The following GRAMD2B variants were observed in gnomAD, a reference collection of about 807,000 sequenced individuals.
GRAMD2B encodes GRAM domain-containing protein 2B.
A neutral mutation model predicts 59.2 loss-of-function variants in GRAMD2B; 41 were observed. The ratio of observed to expected loss-of-function variants is 0.69; its 90% CI spans 0.54 to 0.90. The LOEUF (loss-of-function observed/expected upper bound fraction) is 0.90, where lower values mean the gene tolerates loss of function less well. GRAMD2B is among the 40% of genes least tolerant of loss of function. The pLI is 0.00. For synonymous variants in GRAMD2B, 161 were observed against 182.7 expected, an observed-to-expected ratio of 0.88 and a Z score of 0.96; for missense variants, 424 against 500.5, an observed-to-expected ratio of 0.85 and a Z score of 1.46.
intron 1 of GRAMD2B, among the ~76,000 whole-genome samples, chr5:126,415,222 C>A (rs1380006979): frequency 1.3e-5 from 2 of 152,172 alleles, no homozygotes; most frequent in African/African-American, 4.8e-5. Flanking sequence ...AACAAAAGAA[C>A]ACGAAGCATC....
Position 126,423,622 on chromosome 5 carries a change from C to G in GRAMD2B, c.16C>G (p.Gln6Glu), listed in dbSNP as rs574919388. ...CACGGCCCCGATGACTGAACTACAG[C>G]AAGATGTGGAAGACACAAAGCCTGC... is the stretch of plus-strand genomic sequence containing the variant. MTELQ[Q>E]DVEDTKPAKV... The change falls in exon 1 of 14, where the codon CAA becomes GAA. Residue 6 changes from glutamine (Q) to glutamate (E), a missense_variant. Transcript: ENST00000285689. The G allele has an allele frequency of 1.9e-6, 3 of 1,612,378 alleles. No homozygotes were observed. Among genetic ancestry groups the G allele is most frequent in the Non-Finnish European group, 1.7e-6 (2 of 1,179,390 alleles).
chr5:126,410,732 T>C (rs918722265), intron 1 of GRAMD2B, among the ~76,000 whole-genome samples: 4 of 151,998 alleles, frequency 2.6e-5, no homozygotes, highest in African/African-American at 7.2e-5. Context: ...GTTGTTTTTA[T>C]ACACAACAAC....
In GRAMD2B at chr5:126,474,193, T is replaced by G. The variant is rs374111825; in HGVS notation, c.486+825T>G. Among the ~76,000 whole-genome samples the G allele has an allele frequency of 6.6e-5, 10 of 152,260 alleles. No homozygotes were observed. The East Asian group carries it at 1.9e-3, about 29-fold the overall frequency. ...CTTGGGTTTGCATGACCTTAGTGAG[T>G]TTTCAGTCATTCTGATTCATGATTA... On this transcript the variant is annotated intron_variant, in intron 5 of 13. Transcript: ENST00000285689.
chr5:126,385,161 C>T (rs56226094), intron 1 of GRAMD2B, among the ~76,000 whole-genome samples: 3,644 of 152,254 alleles, frequency 0.024, 156 homozygotes, highest in African/African-American at 0.082. Context: ...GCACACAAGT[C>T]ACTAATATGC....
At chr5:126,408,222 T>C (rs1758429959) in intron 1 of GRAMD2B, among the ~76,000 whole-genome samples, 1 of 152,080 alleles carries the variant, frequency 6.6e-6, no homozygotes, top group Non-Finnish European at 1.5e-5. Context: ...TGTTCCTGTG[T>C]TAATTCACTT....
intron 6 of GRAMD2B, 145 bp from the exon 7 acceptor site, chr5:126,480,311 G>A: frequency 1.7e-6 from 1 of 587,724 alleles, no homozygotes; most frequent in Non-Finnish European, 3.0e-6. Context: ...TGGAATGTTT[G>A]AGTGAGAGGA....
chr5:126,381,384 G>A (rs1170539531), intron 1 of GRAMD2B, among the ~76,000 whole-genome samples: 1 of 151,922 alleles, frequency 6.6e-6, no homozygotes. Context: ...TCCTTTCCTG[G>A]TTTTGGTACT....
At chr5:126,433,748 C>T (rs1761966873) in intron 1 of GRAMD2B, 1 of 152,188 alleles carries the variant, frequency 6.6e-6, no homozygotes. Flanking sequence ...ATGGGTTCTT[C>T]TTTGCACAAG....
At chr5:126,471,610 G>C (rs971776405) in intron 3 of GRAMD2B, among the ~76,000 whole-genome samples, 5 of 152,152 alleles carry the variant, frequency 3.3e-5, no homozygotes, top group African/African-American at 1.2e-4. Context: ...CACTGGCTAA[G>C]GAAATGCCTT....
intron 1 of GRAMD2B, among the ~76,000 whole-genome samples, chr5:126,361,257 G>A (rs1472194554): frequency 6.6e-6 from 1 of 152,092 alleles, no homozygotes; most frequent in African/African-American, 2.4e-5. Context: ...CATGTGAAGG[G>A]TACACATAAA....
chr5:126,405,014 C>A (rs1185455808), intron 1 of GRAMD2B, among the ~76,000 whole-genome samples: 1 of 151,920 alleles, frequency 6.6e-6, no homozygotes, highest in Non-Finnish European at 1.5e-5. Context: ...TACTCAAGGT[C>A]ACACAAATTA....
chr5:126,483,490 G>C lies in GRAMD2B; in HGVS notation c.763G>C (p.Asp255His). The change falls in exon 9 of 14, where the codon GAT (aspartate) becomes CAT (histidine). Residue 255 changes from aspartate to histidine, a missense_variant. Asp to His is a moderately conservative substitution (Grantham distance 81). Transcript: ENST00000285689. ...LDFNDEFSDLDGVVQQRRQDM... is the reference protein window; with the variant it reads ...LDFNDEFSDLHGVVQQRRQDM... ...TTTCAATGATGAATTCTCAGATCTGGATGGAGTGGTTCAACAAAGAAGGCA... is the reference window on the plus strand; with the variant it reads ...TTTCAATGATGAATTCTCAGATCTGCATGGAGTGGTTCAACAAAGAAGGCA... The C allele has an allele frequency of 1.2e-6, 2 of 1,611,368 alleles. No homozygotes were observed. Among genetic ancestry groups the C allele is most frequent in the Non-Finnish European group, 1.7e-6 (2 of 1,177,626 alleles).
chr5:126,458,130 T>C (rs1766662768), intron 1 of GRAMD2B, among the ~76,000 whole-genome samples: 1 of 152,166 alleles, frequency 6.6e-6, no homozygotes, highest in Non-Finnish European at 1.5e-5. Flanking sequence ...GGTTGTTATT[T>C]CATATTTAAG....
In GRAMD2B at chr5:126,493,250, A is replaced by C; in HGVS notation, c.*294A>C. 1 of 374,644 alleles carries C rather than the reference A, an allele frequency of 2.7e-6. No individual in the cohort carries two copies. The highest frequency in any genetic ancestry group is 4.9e-6 in the Non-Finnish European group (1 of 204,294). 23.2% of individuals were successfully genotyped at this position (374,644 alleles called of 1,614,324 possible). On this transcript the variant is annotated 3_prime_UTR_variant, in exon 14 of 14. Transcript: ENST00000285689. ...GCCCAGCGAACACACTCTCTTGGATAATTACCACGATGGCGTCAGCAAACA... is the reference window on the plus strand; with the variant it reads ...GCCCAGCGAACACACTCTCTTGGATCATTACCACGATGGCGTCAGCAAACA...
In GRAMD2B at chr5:126,415,273, G is replaced by A. The variant is rs534134997; in HGVS notation, c.125+43706G>A. Among the ~76,000 whole-genome samples, 21 of 152,290 alleles carry A rather than the reference G, an allele frequency of 1.4e-4. 1 individual carries two copies. In the South Asian group the frequency reaches 4.3e-3, roughly 32 times the overall value. On this transcript the variant is annotated intron_variant, in intron 1 of 8. Coordinates refer to the GRAMD2B transcript ENST00000506445. ...TTCCTTTCTCTCCATTTAACACCAT[G>A]ATGTTACCTGGCACTGTATCTGGTT...
intron 1 of GRAMD2B, chr5:126,360,583 C>A: frequency 1.1e-6 from 1 of 934,464 alleles, no homozygotes; most frequent in Non-Finnish European, 1.6e-6. Flanking sequence ...CTTTGATTGC[C>A]CACTGGGGGA....
chr5:126,391,350 T>G (rs1756763982), intron 1 of GRAMD2B, among the ~76,000 whole-genome samples: 1 of 81,632 alleles, frequency 1.2e-5, no homozygotes, highest in Non-Finnish European at 3.1e-5. Context: ...ACTTGTACAC[T>G]GTTATTTGTC....
intron 1 of GRAMD2B, among the ~76,000 whole-genome samples, chr5:126,407,629 G>T (rs1758376577): frequency 6.6e-6 from 1 of 151,890 alleles, no homozygotes; most frequent in Non-Finnish European, 1.5e-5. Context: ...GCATAAATAG[G>T]GTTCAAATAG....
chr5:126,475,277 T>A (rs141964608), intron 5 of GRAMD2B, among the ~76,000 whole-genome samples: 2 of 152,342 alleles, frequency 1.3e-5, no homozygotes, highest in East Asian at 1.9e-4. Context: ...ACAAATGTTA[T>A]CTGGTTGTAA....
Sources: allele counts gnomAD v4.1 joint callset (sites outside exome capture counted in the v4.1 genomes callset), GRCh38; gene constraint gnomAD v4.1.1; transcripts MANE v1.5; gene names NCBI Gene and HGNC (gene_info 2026-07-23, HGNC 2026-07-21).